The following SLC10A7 variants were observed in gnomAD, a reference collection of about 807,000 sequenced individuals.
SLC10A7 encodes the protein sodium/bile acid cotransporter 7.
SLC10A7 carries 29 observed loss-of-function variants against 43.2 expected under a neutral mutation model. That is an observed-to-expected ratio of 0.67 (90% CI 0.50 to 0.92). SLC10A7 has a LOEUF of 0.92. SLC10A7 is among the 40% of genes least tolerant of loss of function. The pLI is 0.00. For missense variants in SLC10A7, 295 were observed against 403.2 expected (o/e 0.73, Z 2.30); for synonymous variants, 152 against 144.8 (o/e 1.05, Z -0.35).
At chr4:146,345,385 T>C (rs1000023446) in intron 5 of SLC10A7, among the ~76,000 whole-genome samples, 17 of 152,094 alleles carry the variant, frequency 1.1e-4, no homozygotes, top group African/African-American at 3.9e-4. Context: ...TTCCCACTGG[T>C]CTTTAAGGAC....
chr4:146,520,903 T>G (rs1374454903), intron 1 of SLC10A7, among the ~76,000 whole-genome samples: 1 of 152,138 alleles, frequency 6.6e-6, no homozygotes, highest in Non-Finnish European at 1.5e-5. Context: ...TGTACAAAGC[T>G]CCCACTATTC....
At chr4:146,289,178 G>A (rs1366676214) in intron 9 of SLC10A7, among the ~76,000 whole-genome samples, 1 of 152,068 alleles carries the variant, frequency 6.6e-6, no homozygotes, top group Non-Finnish European at 1.5e-5. Context: ...AGCTACCCAG[G>A]GTGCCAAGGC....
intron 5 of SLC10A7, among the ~76,000 whole-genome samples, chr4:146,394,563 T>G (rs1266991569): frequency 6.6e-6 from 1 of 152,142 alleles, no homozygotes; most frequent in East Asian, 1.9e-4. Context: ...GGTTTTGCCA[T>G]GTTGCCCAGG....
chr4:146,396,195 A>G (rs1366009546), intron 5 of SLC10A7, among the ~76,000 whole-genome samples: 3 of 152,162 alleles, frequency 2.0e-5, no homozygotes, highest in Admixed American at 6.5e-5. Context: ...GCTTGGTTCA[A>G]GTCTTTGACT....
At chr4:146,442,389 C>G in intron 5 of SLC10A7, 1 of 1,003,696 alleles carries the variant, frequency 1.0e-6, no homozygotes, top group Non-Finnish European at 1.2e-6. Context: ...GGCATGTCAA[C>G]AAGTAAATTA....
intron 3 of SLC10A7, among the ~76,000 whole-genome samples, chr4:146,507,018 A>C (rs565389011): frequency 6.6e-6 from 1 of 152,328 alleles, no homozygotes; most frequent in African/African-American, 2.4e-5. Flanking sequence ...ACATGTGTAT[A>C]CACTGTGAAA....
At chr4:146,425,522 G>T (rs958277312) in intron 5 of SLC10A7, among the ~76,000 whole-genome samples, 1 of 152,162 alleles carries the variant, frequency 6.6e-6, no homozygotes, top group African/African-American at 2.4e-5. Flanking sequence ...CATGTGGCTT[G>T]TGGACACCAT....
At chr4:146,387,473 C>A (rs1205486419) in intron 5 of SLC10A7, among the ~76,000 whole-genome samples, 1 of 152,108 alleles carries the variant, frequency 6.6e-6, no homozygotes, top group Non-Finnish European at 1.5e-5. Context: ...AACCCAGAGC[C>A]AACATCATAT....
At chr4:146,350,951 T>G (rs1213961811) in intron 5 of SLC10A7, among the ~76,000 whole-genome samples, 1 of 147,138 alleles carries the variant, frequency 6.8e-6, no homozygotes, top group African/African-American at 2.6e-5. Flanking sequence ...ACAGAAAAAC[T>G]GGAAACTCTA....
At chr4:146,447,042 C>A (rs1731155952) in intron 4 of SLC10A7, among the ~76,000 whole-genome samples, 1 of 152,138 alleles carries the variant, frequency 6.6e-6, no homozygotes, top group Admixed American at 6.5e-5. Flanking sequence ...GAGATCTAGA[C>A]TTCAGACTCC....
intron 5 of SLC10A7, among the ~76,000 whole-genome samples, chr4:146,361,315 A>G (rs1276727779): frequency 6.6e-6 from 1 of 152,216 alleles, no homozygotes; most frequent in East Asian, 1.9e-4. Flanking sequence ...TGAGAAATAT[A>G]ACAGATAATC....
At chr4:146,510,417 C>T (rs554443857) in intron 2 of SLC10A7, among the ~76,000 whole-genome samples, 1 of 152,114 alleles carries the variant, frequency 6.6e-6, no homozygotes, top group South Asian at 2.1e-4. Flanking sequence ...CTGCCACCAC[C>T]ATGCCCTCCT....
intron 5 of SLC10A7, among the ~76,000 whole-genome samples, chr4:146,378,732 C>T (rs1221099572): frequency 1.3e-5 from 2 of 152,114 alleles, no homozygotes; most frequent in East Asian, 3.9e-4. Context: ...CCAAATAAAA[C>T]TAAAGTCATT....
chr4:146,430,943 T>C (rs1729734477), intron 5 of SLC10A7, among the ~76,000 whole-genome samples: 1 of 152,198 alleles, frequency 6.6e-6, no homozygotes, highest in African/African-American at 2.4e-5. Flanking sequence ...ATTTTATTTT[T>C]ATAAAGTCCT....
intron 4 of SLC10A7, among the ~76,000 whole-genome samples, chr4:146,451,776 A>T (rs1318440839): frequency 6.6e-6 from 1 of 152,092 alleles, no homozygotes; most frequent in East Asian, 1.9e-4. Flanking sequence ...AAAGCTAGGG[A>T]TTTCCATGCA....
At position 146,256,326 on chromosome 4, in the gene SLC10A7, C is replaced by G; in HGVS notation, c.*165G>C. 1.5e-6 allele frequency: 1 copy of G among 647,858 alleles called. No homozygotes were observed. The highest frequency in any genetic ancestry group is 2.0e-5 in the South Asian group (1 of 50,134). The allele number at this position is 647,858 out of a possible 1,614,324, so 40.1% of individuals were successfully genotyped here. On this transcript the variant is annotated 3_prime_UTR_variant, in exon 12 of 12. Coordinates refer to ENST00000335472, the MANE Select transcript of SLC10A7 (RefSeq NM_001029998.6). ...TCAACAAAGCATATTTTGGAAATAA[C>G]GCTCTTGTCAAATACATTTTAAGGC...
chr4:146,312,783 T>G lies in SLC10A7; in HGVS notation c.472-6774A>C, dbSNP rs79652064. On this transcript the variant is annotated intron_variant, in intron 6 of 11. Transcript: ENST00000335472. ...ATGAAAAGGTTACTTTCTAATAACTTTGATGGAAACTTAAAGTGTGCAATC... is the reference window on the plus strand; with the variant it reads ...ATGAAAAGGTTACTTTCTAATAACTGTGATGGAAACTTAAAGTGTGCAATC... Among the ~76,000 whole-genome samples, 556 of 152,296 alleles carry G rather than the reference T, an allele frequency of 3.7e-3. 2 individuals are homozygous for G. Among genetic ancestry groups the G allele is most frequent in the African/African-American group, 0.013 (529 of 41,572 alleles).
intron 8 of SLC10A7, 31 bp downstream of exon 8, chr4:146,293,899 G>C: frequency 6.4e-7 from 1 of 1,572,618 alleles, no homozygotes; most frequent in Non-Finnish European, 8.7e-7. Flanking sequence ...GACACTGAGG[G>C]ATAGCCAGGC....
intron 4 of SLC10A7, among the ~76,000 whole-genome samples, chr4:146,459,878 T>A (rs982507871): frequency 6.6e-6 from 1 of 151,682 alleles, no homozygotes; most frequent in Non-Finnish European, 1.5e-5. Context: ...GTAAAGAAAA[T>A]GAAAAAGCAA....
Sources: gnomAD v4.1 joint callset for allele counts (sites outside exome capture counted in the v4.1 genomes callset) on GRCh38, gnomAD v4.1.1 for gene constraint, MANE v1.5 for transcripts, NCBI Gene and HGNC (gene_info 2026-07-23, HGNC 2026-07-21) for gene names.